PPP2R1A: variants seen among roughly 807,000 people sequenced by gnomAD.
PPP2R1A encodes the protein protein phosphatase 2 scaffold subunit Aalpha.
In PPP2R1A, 15 loss-of-function variants were observed where a neutral mutation model predicts 67.1. The ratio of observed to expected loss-of-function variants is 0.22; its 90% CI spans 0.15 to 0.34. PPP2R1A has a LOEUF of 0.34. PPP2R1A is among the 10% of genes least tolerant of loss of function. PPP2R1A has a pLI of 1.00. For missense variants in PPP2R1A, 369 were observed against 775.0 expected (o/e 0.48, Z 6.22); for synonymous variants, 337 against 325.0 (o/e 1.04, Z -0.40).
Position 52,213,706 on chromosome 19 carries a change from G to A in PPP2R1A, c.807+596G>A, listed in dbSNP as rs1978391155. On this transcript the variant is annotated intron_variant, in intron 6 of 14. Coordinates refer to ENST00000322088, the MANE Select transcript of PPP2R1A (RefSeq NM_014225.6). This position sits in a 1 kb window ranked among gnomAD's most constrained non-coding sequence, Gnocchi z 4.2. Reference sequence around the variant, plus strand: ...CCATGTTGTTAGCCAGGCTAGTCTCGAACTCCTGACCTCAAGCGATCCGCC... The same window carrying A: ...CCATGTTGTTAGCCAGGCTAGTCTCAAACTCCTGACCTCAAGCGATCCGCC... Among the ~76,000 whole-genome samples the A allele has an allele frequency of 1.3e-5, 2 of 151,736 alleles. No individual in the cohort carries two copies. Among genetic ancestry groups the A allele is most frequent in the East Asian group, 1.9e-4 (1 of 5,142 alleles).
intron 1 of PPP2R1A, among the ~76,000 whole-genome samples, chr19:52,195,259 A>G (rs1271800049): frequency 6.6e-6 from 1 of 152,154 alleles, no homozygotes; most frequent in Non-Finnish European, 1.5e-5. Context: ...CTGCTGGGAC[A>G]CAGAGAGTCC....
At chr19:52,214,679 C>T (rs1978452467) in intron 6 of PPP2R1A, among the ~76,000 whole-genome samples, 3 of 151,874 alleles carry the variant, frequency 2.0e-5, no homozygotes, top group Admixed American at 6.6e-5. Flanking sequence ...AGGAGCCGTG[C>T]GTCTTTCCAT....
At position 52,220,960 on chromosome 19, in the gene PPP2R1A, C is replaced by G. The variant is rs540771489; in HGVS notation, c.1364-19C>G. On this transcript the variant is annotated intron_variant, in intron 11 of 14. Coordinates refer to ENST00000322088, the MANE Select transcript of PPP2R1A (RefSeq NM_014225.6). ...TTCACCTCCAAATCCCTGTCTCTCT[C>G]ACCCTCACCCTTCTGCAGTATATGC... 2 of 1,613,728 alleles carry G rather than the reference C, an allele frequency of 1.2e-6. No individual in the cohort carries two copies. The highest frequency in any genetic ancestry group is 1.7e-5 in the Admixed American group (1 of 60,016).
intron 1 of PPP2R1A, among the ~76,000 whole-genome samples, chr19:52,192,855 C>G (rs1187879190): frequency 1.3e-5 from 2 of 152,096 alleles, no homozygotes; most frequent in African/African-American, 4.8e-5. Flanking sequence ...CCTAGGCATT[C>G]CACCCCCCAG....
At position 52,213,672 on chromosome 19, in the gene PPP2R1A, G is replaced by T. The variant is rs1396810246; in HGVS notation, c.807+562G>T. 6.6e-6 allele frequency among the ~76,000 whole-genome samples: 1 copy of T among 151,552 alleles called. No homozygotes were observed. Among genetic ancestry groups the T allele is most frequent in the East Asian group, 1.9e-4 (1 of 5,144 alleles). On this transcript the variant is annotated intron_variant, in intron 6 of 14. Coordinates refer to ENST00000322088, the MANE Select transcript of PPP2R1A (RefSeq NM_014225.6). This position sits in a 1 kb window ranked among gnomAD's most constrained non-coding sequence, Gnocchi z 4.2. Reference sequence around the variant, plus strand: ...TAGTTTTTGTATTTTTATTAGAGACGGGGTTTCACCATGTTGTTAGCCAGG... The same window carrying T: ...TAGTTTTTGTATTTTTATTAGAGACTGGGTTTCACCATGTTGTTAGCCAGG...
chr19:52,211,349 G>A lies in PPP2R1A; in HGVS notation c.360G>A (p.Ser120=), dbSNP rs11537700. The A allele has an allele frequency of 7.4e-6, 12 of 1,614,098 alleles. No homozygotes were observed. The highest frequency in any genetic ancestry group is 2.2e-5 in the East Asian group (1 of 44,884). The change falls in exon 4 of 15, where the codon TCG becomes TCA. Residue 120 remains serine (S), a synonymous_variant. Coordinates refer to ENST00000322088, the MANE Select transcript of PPP2R1A (RefSeq NM_014225.6). This position sits in a 1 kb window ranked among gnomAD's most constrained non-coding sequence, Gnocchi z 5.3. ...ESLRAISHEH[S]PSDLEAHFVP... ...TACGGGCCATCTCACACGAGCACTC[G>A]CCCTCTGACCTGGAGGCGCACTTTG...
chr19:52,190,214 G>A, intron 1 of PPP2R1A, 40 bp downstream of exon 1: 1 of 1,540,556 alleles, frequency 6.5e-7, no homozygotes, highest in Admixed American at 2.0e-5. Flanking sequence ...ACGCGGAGGG[G>A]TACCTGGGGG....
At chr19:52,201,919 C>T (rs752731890) in intron 1 of PPP2R1A, 25 bp from the exon 2 acceptor site, 3 of 1,606,626 alleles carry the variant, frequency 1.9e-6, no homozygotes, top group Non-Finnish European at 1.7e-6. Context: ...AACATTCTCC[C>T]CTCCTCTTCT....
At chr19:52,194,801 A>T (rs890715336) in intron 1 of PPP2R1A, among the ~76,000 whole-genome samples, 11 of 152,120 alleles carry the variant, frequency 7.2e-5, no homozygotes, top group Non-Finnish European at 1.5e-4. Context: ...GGTTGTGAAG[A>T]TGCAGTGAAA....
chr19:52,199,784 G>A (rs540687667), intron 1 of PPP2R1A, among the ~76,000 whole-genome samples: 35 of 152,334 alleles, frequency 2.3e-4, no homozygotes, highest in African/African-American at 7.5e-4. Context: ...CCAGGTCAGT[G>A]ATTGTTAGTG....
intron 2 of PPP2R1A, among the ~76,000 whole-genome samples, chr19:52,205,328 C>T (rs2089591035): frequency 2.0e-5 from 3 of 152,174 alleles, no homozygotes; most frequent in Non-Finnish European, 4.4e-5. Flanking sequence ...ATTCTTTCAG[C>T]AAACCTGAAT....
At chr19:52,222,828 G>A (rs1009412436) in intron 13 of PPP2R1A, among the ~76,000 whole-genome samples, 1 of 152,228 alleles carries the variant, frequency 6.6e-6, no homozygotes, top group African/African-American at 2.4e-5. Context: ...AGTGAGCTGA[G>A]ATCATGCCAC....
Position 52,222,222 on chromosome 19 carries a change from G to C in PPP2R1A, c.1642G>C (p.Gly548Arg). 1 of 1,614,034 alleles carries C rather than the reference G, an allele frequency of 6.2e-7. No individual in the cohort carries two copies. Among genetic ancestry groups the C allele is most frequent in the Non-Finnish European group, 8.5e-7 (1 of 1,179,960 alleles). Reference protein sequence around the residue: ...FNVAKSLQKIGPILDNSTLQS... With the variant: ...FNVAKSLQKIRPILDNSTLQS... The stretch of plus-strand genomic sequence containing the variant: ...TGTGGCCAAGTCTCTGCAGAAGATA[G>C]GGCCCATCCTGGACAACAGGTGAGG... Residue 548 changes from glycine (G) to arginine (R), a missense_variant, in exon 13 of 15, where the codon GGG becomes CGG. This residue lies in a region of PPP2R1A where 276 missense variants were observed against 508.4 expected (regional missense o/e 0.54). Coordinates refer to ENST00000322088, the MANE Select transcript of PPP2R1A (RefSeq NM_014225.6).
Position 52,212,324 on chromosome 19 carries a change from A to G in PPP2R1A, c.504-362A>G, listed in dbSNP as rs111349150. Among the ~76,000 whole-genome samples, 1,023 of 152,146 alleles carry G rather than the reference A, an allele frequency of 6.7e-3. 13 individuals carry two copies. Among genetic ancestry groups the G allele is most frequent in the African/African-American group, 0.023 (970 of 41,488 alleles). Reference sequence around the variant, plus strand: ...GGTCTTGAACTCCTGGGCTCAAGCAATCCTCCTGCCTTGGTCTTCCAAAGT... The same window carrying G: ...GGTCTTGAACTCCTGGGCTCAAGCAGTCCTCCTGCCTTGGTCTTCCAAAGT... On this transcript the variant is annotated intron_variant, in intron 4 of 14. Transcript: ENST00000322088. This position sits in a 1 kb window ranked among gnomAD's most constrained non-coding sequence, Gnocchi z 4.1.
At chr19:52,201,682 A>G (rs1036219537) in intron 1 of PPP2R1A, 7 of 477,300 alleles carry the variant, frequency 1.5e-5, no homozygotes, top group East Asian at 3.7e-5. Context: ...GTGGTCCTGG[A>G]AAGTGCAACT....
chr19:52,214,037 T>C (rs888199082), intron 6 of PPP2R1A, among the ~76,000 whole-genome samples: 5 of 152,108 alleles, frequency 3.3e-5, no homozygotes, highest in African/African-American at 1.2e-4. Context: ...GTGTCACAGG[T>C]GTGGGACAGA....
At chr19:52,222,564 T>C (rs1204680668) in intron 13 of PPP2R1A, among the ~76,000 whole-genome samples, 3 of 152,194 alleles carry the variant, frequency 2.0e-5, no homozygotes, top group Non-Finnish European at 2.9e-5. Flanking sequence ...CAGGAATAAA[T>C]TCAATGAAAG....
intron 1 of PPP2R1A, 70 bp downstream of exon 1, chr19:52,190,244 G>C: frequency 6.6e-7 from 1 of 1,505,676 alleles, no homozygotes; most frequent in African/African-American, 1.4e-5. Context: ...CCCTCGCGGA[G>C]AAGACTCAGC....
Position 52,211,628 on chromosome 19 carries a change from G to A in PPP2R1A, c.503+136G>A, listed in dbSNP as rs1461943437. ...CCACTCCCACTCCTGCTTACCACCT[G>A]ATAGGCCACATCCTCGAGAGTTGGT... On this transcript the variant is annotated intron_variant, in intron 4 of 14. Coordinates refer to ENST00000322088, the MANE Select transcript of PPP2R1A (RefSeq NM_014225.6). The surrounding 1 kb of genome is among the most constrained non-coding windows in gnomAD (Gnocchi z 5.3). The A allele has an allele frequency of 1.6e-5, 14 of 848,806 alleles. No homozygotes were observed. Among genetic ancestry groups the A allele is most frequent in the Non-Finnish European group, 2.3e-5 (13 of 556,720 alleles). 52.6% of individuals were successfully genotyped at this position (848,806 alleles called of 1,614,324 possible).
Sources: gnomAD v4.1 joint callset for allele counts (sites outside exome capture counted in the v4.1 genomes callset) on GRCh38, gnomAD v4.1.1 for gene constraint, gnomAD v4.1.1 regional missense constraint, Gnocchi (gnomAD v3.1) non-coding constraint, MANE v1.5 for transcripts, NCBI Gene and HGNC (gene_info 2026-07-23, HGNC 2026-07-21) for gene names.